Variants in EFL1 observed in about 807,000 individuals in gnomAD.
EFL1 encodes the protein elongation factor like GTPase 1.
EFL1 carries 76 observed loss-of-function variants against 126.7 expected under a neutral mutation model. The ratio of observed to expected loss-of-function variants is 0.60; its 90% CI spans 0.50 to 0.73. The LOEUF is 0.73. EFL1 is among the 30% of genes least tolerant of loss of function. EFL1 has a pLI of 0.00. For synonymous variants in EFL1, 410 were observed against 448.4 expected (o/e 0.91, Z 1.08); for missense variants, 1,128 against 1,343.2 (o/e 0.84, Z 2.50).
chr15:82,214,738 C>T lies in EFL1; in HGVS notation c.1729G>A (p.Val577Ile). ...CTACCTAGCACATTTCCTGGAGGTA[C>T]CTCCTCTAGATATTCCAGTTCCCTT... is the stretch of plus-strand genomic sequence containing the variant. ...MGRELEYLEEVPPGNVLGIGG... is the reference protein window; with the variant it reads ...MGRELEYLEEIPPGNVLGIGG... Residue 577 changes from valine to isoleucine, a missense_variant, in exon 15 of 20, where the codon GTA (valine) becomes ATA (isoleucine). Val to Ile is a conservative substitution (Grantham distance 29). Around this residue, in one of 6 missense-constraint regions of EFL1, gnomAD observed 3 missense variants for 20.6 expected, o/e 0.15. Transcript: ENST00000268206. 2.5e-6 allele frequency: 4 copies of T among 1,585,276 alleles called. No individual in the cohort carries two copies. Among genetic ancestry groups the T allele is most frequent in the South Asian group, 1.2e-5 (1 of 86,806 alleles).
rs563063277 is a variant in EFL1, at chr15:82,225,830, A to C, written c.1193-566T>G. Among the ~76,000 whole-genome samples, 7 of 152,376 alleles carry C rather than the reference A, an allele frequency of 4.6e-5. No individual in the cohort carries two copies. In the South Asian group the frequency reaches 1.5e-3, roughly 32 times the overall value. ...AATACACAAATTTTAATGCAATTTCATATTAACATATGAACATTTTCCTTA... is the reference window on the plus strand; with the variant it reads ...AATACACAAATTTTAATGCAATTTCCTATTAACATATGAACATTTTCCTTA... On this transcript the variant is annotated intron_variant, in intron 11 of 19. Transcript: ENST00000268206.
intron 16 of EFL1, chr15:82,160,135 G>C (rs1181996161): frequency 6.6e-6 from 1 of 152,250 alleles, no homozygotes; most frequent in Non-Finnish European, 1.5e-5. Flanking sequence ...GATTCCCAAG[G>C]CTAGTTCACA....
intron 15 of EFL1, among the ~76,000 whole-genome samples, chr15:82,176,114 C>T (rs1501372): frequency 0.67 from 101,118 of 151,956 alleles, 35,384 homozygotes; most frequent in African/African-American, 0.89. Flanking sequence ...GATAATGGTT[C>T]TAAGTCAACC....
chr15:82,132,331 A>G (rs1354250586), intron 19 of EFL1, among the ~76,000 whole-genome samples: 3 of 152,164 alleles, frequency 2.0e-5, no homozygotes, highest in East Asian at 3.8e-4. Flanking sequence ...TTGCTGGGAC[A>G]CAATGAAGTC....
intron 15 of EFL1, among the ~76,000 whole-genome samples, chr15:82,201,196 A>C (rs1156536323): frequency 1.3e-5 from 2 of 152,280 alleles, no homozygotes; most frequent in African/African-American, 2.4e-5. Flanking sequence ...TAATTGATTC[A>C]TGCATTCAAC....
Position 82,151,874 on chromosome 15 carries a change from A to G in EFL1, c.2580T>C (p.Ser860=). The G allele has an allele frequency of 6.2e-7, 1 of 1,614,098 alleles. No homozygotes were observed. ...TGCTATTGCCCAAATCTCGGTATCTACTGGCTTCTTTTGAAGCTTTGTCAG... is the reference window on the plus strand; with the variant it reads ...TGCTATTGCCCAAATCTCGGTATCTGCTGGCTTCTTTTGAAGCTTTGTCAG... ...GPADKASKEA[S]RYRDLGNSIV... The change falls in exon 18 of 20, where the codon AGT becomes AGC. Residue 860 remains serine, a synonymous_variant. Transcript: ENST00000268206.
intron 3 of EFL1, among the ~76,000 whole-genome samples, chr15:82,255,879 T>C (rs1198628134): frequency 2.0e-5 from 3 of 152,220 alleles, no homozygotes; most frequent in African/African-American, 4.8e-5. Context: ...TGTATTTCCA[T>C]ATCTTACTCT....
chr15:82,214,279 A>G (rs1391792757), intron 15 of EFL1, among the ~76,000 whole-genome samples: 2 of 152,268 alleles, frequency 1.3e-5, no homozygotes, highest in Non-Finnish European at 2.9e-5. Context: ...ACGACGATCA[A>G]CTAATCTTAG....
intron 13 of EFL1, 99 bp downstream of exon 13, chr15:82,219,979 C>A (rs151255309): frequency 2.7e-6 from 4 of 1,497,148 alleles, no homozygotes; most frequent in Admixed American, 4.6e-5. Flanking sequence ...ATAAAAACTA[C>A]GATTAAAGCT....
rs150180019 is a variant in EFL1 at position 82,202,834 on chromosome 15, C to T, written c.1750+11883G>A. Among the ~76,000 whole-genome samples, 1,045 of 145,410 alleles carry T rather than the reference C, an allele frequency of 7.2e-3. 14 individuals carry two copies. Among genetic ancestry groups the T allele is most frequent in the African/African-American group, 0.026 (996 of 38,814 alleles). ...CCCTAATTTTTTTTTTTTTTTGAGA[C>T]GGAGTCTTGCTCTGTCGTCCAGGCT... On this transcript the variant is annotated intron_variant, in intron 15 of 19. Transcript: ENST00000268206.
intron 15 of EFL1, among the ~76,000 whole-genome samples, chr15:82,213,184 G>A (rs181178457): frequency 1.1e-4 from 17 of 152,208 alleles, no homozygotes; most frequent in Admixed American, 2.6e-4. Context: ...ATTTTTTCCC[G>A]AAGTGGTTGG....
At chr15:82,170,189 A>G (rs1218615050) in intron 15 of EFL1, among the ~76,000 whole-genome samples, 1 of 132,744 alleles carries the variant, frequency 7.5e-6, no homozygotes, top group African/African-American at 2.9e-5. Flanking sequence ...ATCTCGGCTC[A>G]CTGCAAGCTC....
At chr15:82,192,431 G>C (rs2074369021) in intron 15 of EFL1, among the ~76,000 whole-genome samples, 2 of 150,166 alleles carry the variant, frequency 1.3e-5, no homozygotes, top group Non-Finnish European at 3.0e-5. Context: ...TAAAAATACA[G>C]TAAGTAAAAT....
chr15:82,133,033 T>C (rs2141206808), intron 19 of EFL1, among the ~76,000 whole-genome samples: 1 of 152,228 alleles, frequency 6.6e-6, no homozygotes, highest in Admixed American at 6.5e-5. Context: ...GCCTGACTGG[T>C]CAAAAGCCAC....
At position 82,152,282 on chromosome 15, in the gene EFL1, A is replaced by T. The variant is rs756559129; in HGVS notation, c.2172T>A (p.Asp724Glu). 1.7e-5 allele frequency: 28 copies of T among 1,614,064 alleles called. No homozygotes were observed. The highest frequency in any genetic ancestry group is 2.2e-5 in the Non-Finnish European group (26 of 1,180,004). ...KVAVIHQMKEDQSKIPEGIQV... is the reference protein window; with the variant it reads ...KVAVIHQMKEEQSKIPEGIQV... ...GGATTCCTTCAGGGATTTTGCTTTGATCTTCTTTCATTTGGTGTATGACTG... is the reference window on the plus strand; with the variant it reads ...GGATTCCTTCAGGGATTTTGCTTTGTTCTTCTTTCATTTGGTGTATGACTG... Residue 724 changes from aspartate (D) to glutamate (E), a missense_variant, in exon 18 of 20, where the codon GAT (aspartate) becomes GAA (glutamate). Asp to Glu is a conservative substitution (Grantham distance 45). Coordinates refer to ENST00000268206, the MANE Select transcript of EFL1 (RefSeq NM_024580.6).
At chr15:82,156,813 T>C (rs2073973330) in intron 17 of EFL1, among the ~76,000 whole-genome samples, 1 of 152,244 alleles carries the variant, frequency 6.6e-6, no homozygotes, top group African/African-American at 2.4e-5. Flanking sequence ...GGGCAGTTTA[T>C]AATTTTTTCT....
intron 16 of EFL1, among the ~76,000 whole-genome samples, chr15:82,162,031 A>G (rs1027352376): frequency 6.6e-6 from 1 of 152,088 alleles, no homozygotes; most frequent in Admixed American, 6.5e-5. Flanking sequence ...TAATCCCAGC[A>G]CTCTAAGAGG....
At chr15:82,131,166 A>C (rs79334643) in intron 19 of EFL1, among the ~76,000 whole-genome samples, 3,619 of 152,326 alleles carry the variant, frequency 0.024, 63 homozygotes, top group Non-Finnish European at 0.035. Flanking sequence ...TTCATAATAT[A>C]ATTTTTAAAA....
At chr15:82,144,722 G>A (rs561536003) in intron 18 of EFL1, among the ~76,000 whole-genome samples, 1 of 152,082 alleles carries the variant, frequency 6.6e-6, no homozygotes, top group South Asian at 2.1e-4. Flanking sequence ...AAGGCTAGGC[G>A]GGTGGCTCAT....
Sources: allele counts gnomAD v4.1 joint callset (sites outside exome capture counted in the v4.1 genomes callset), GRCh38; gene constraint gnomAD v4.1.1; regional missense constraint gnomAD v4.1.1; transcripts MANE v1.5; gene names NCBI Gene and HGNC (gene_info 2026-07-23, HGNC 2026-07-21).